The following SYNPO2 variants were observed in gnomAD, a reference collection of about 807,000 sequenced individuals.
SYNPO2 encodes the protein synaptopodin-2.
SYNPO2 carries 56 observed loss-of-function variants against 85.0 expected under a neutral mutation model. That is an observed-to-expected ratio of 0.66 (90% CI 0.53 to 0.82). SYNPO2 has a LOEUF of 0.82. SYNPO2 is among the 40% of genes least tolerant of loss of function. The probability of loss-of-function intolerance (pLI) is 0.00; values close to 1 mark genes in which losing one functional copy is unlikely to be tolerated. For missense variants in SYNPO2, 1,575 were observed against 1,534.2 expected, an observed-to-expected ratio of 1.03 and a Z score of -0.44; for synonymous variants, 602 against 591.1, an observed-to-expected ratio of 1.02 and a Z score of -0.27.
chr4:118,922,210 A>G (rs1733564129), intron 1 of SYNPO2, among the ~76,000 whole-genome samples: 1 of 151,992 alleles, frequency 6.6e-6, no homozygotes. Context: ...CCATGTGTAG[A>G]TTTGTTACTC....
upstream of SYNPO2, among the ~76,000 whole-genome samples, chr4:118,887,439 G>A (rs1346034566): frequency 6.6e-6 from 1 of 152,156 alleles, no homozygotes; most frequent in South Asian, 2.1e-4. Flanking sequence ...TGCTATATTT[G>A]TGGTGGTTTT....
intron 1 of SYNPO2, among the ~76,000 whole-genome samples, chr4:118,876,662 C>CT: frequency 1.4e-5 from 2 of 141,744 alleles, no homozygotes; most frequent in African/African-American, 5.2e-5. Context: ...TTCCTTCCTT[C>CT]CTTTCTCTTT....
At chr4:118,884,613 C>T (rs908338826), upstream of SYNPO2, among the ~76,000 whole-genome samples, 1 of 152,150 alleles carries the variant, frequency 6.6e-6, no homozygotes, top group African/African-American at 2.4e-5. Context: ...GGGAGGTGGC[C>T]ACTACCTATT....
chr4:119,046,991 A>G (rs1193417860), intron 4 of SYNPO2, among the ~76,000 whole-genome samples: 1 of 152,238 alleles, frequency 6.6e-6, no homozygotes, highest in African/African-American at 2.4e-5. Flanking sequence ...ATGATATGCT[A>G]CATACAAGAC....
intron 1 of SYNPO2, among the ~76,000 whole-genome samples, chr4:119,000,474 C>T (rs1446892749): frequency 6.6e-6 from 1 of 152,154 alleles, no homozygotes; most frequent in Non-Finnish European, 1.5e-5. Context: ...AGAAGACACC[C>T]ACAGACACAC....
At chr4:118,906,301 T>A (rs1732936535) in intron 1 of SYNPO2, among the ~76,000 whole-genome samples, 1 of 152,184 alleles carries the variant, frequency 6.6e-6, no homozygotes, top group South Asian at 2.1e-4. Context: ...AGATTTTTAA[T>A]GTAATAGTAT....
chr4:118,915,803 A>G (rs1319621888), intron 1 of SYNPO2, among the ~76,000 whole-genome samples: 1 of 152,180 alleles, frequency 6.6e-6, no homozygotes. Flanking sequence ...CAACAATATA[A>G]AAGGCATCCT....
At chr4:119,029,167 T>C (rs1257095877) in intron 3 of SYNPO2, among the ~76,000 whole-genome samples, 2 of 152,100 alleles carry the variant, frequency 1.3e-5, no homozygotes, top group Admixed American at 6.5e-5. Context: ...GTTTCTTATA[T>C]GTATTTACAA....
chr4:119,026,997 G>A lies in SYNPO2; in HGVS notation c.628G>A (p.Gly210Ser). 6.2e-7 allele frequency: 1 copy of A among 1,614,118 alleles called. No homozygotes were observed. The highest frequency in any genetic ancestry group is 8.5e-7 in the Non-Finnish European group (1 of 1,180,006). Residue 210 changes from glycine (G) to serine (S), a missense_variant, in exon 3 of 5, where the codon GGC becomes AGC. Transcript: ENST00000307142. ...GTCCCTTTCACAGGAGAGACATAAG[G>A]GCGCTAGTGGCCCTTTAGTGGCTCT... ...QLSLSQERHK[G>S]ASGPLVALPG...
intron 1 of SYNPO2, among the ~76,000 whole-genome samples, chr4:118,863,439 GT>G (rs1004753874): frequency 6.6e-6 from 1 of 152,056 alleles, no homozygotes; most frequent in Non-Finnish European, 1.5e-5. Flanking sequence ...CCAATTTATT[GT>G]CATATAGTTG....
At position 118,889,062 on chromosome 4, in the gene SYNPO2, T is replaced by C; in HGVS notation, c.26T>C (p.Ile9Thr). The change falls in exon 1 of 5, where the codon ATT (isoleucine) becomes ACT (threonine). Residue 9 changes from isoleucine (I) to threonine (T), a missense_variant. Around this residue, in one of 3 missense-constraint regions of SYNPO2, gnomAD observed 55 missense variants for 55.5 expected, o/e 0.99. Transcript: ENST00000307142. MGTGDFIC[I>T]SMTGGAPWGF... is the part of the protein sequence containing the mutation. ...ATGGGCACAGGGGATTTTATCTGCATTTCCATGACTGGAGGGGCGCCCTGG... is the reference window on the plus strand; with the variant it reads ...ATGGGCACAGGGGATTTTATCTGCACTTCCATGACTGGAGGGGCGCCCTGG... The C allele has an allele frequency of 6.2e-7, 1 of 1,614,120 alleles. No homozygotes were observed. The highest frequency in any genetic ancestry group is 8.5e-7 in the Non-Finnish European group (1 of 1,180,006).
intron 1 of SYNPO2, among the ~76,000 whole-genome samples, chr4:118,913,507 G>T (rs1733206968): frequency 6.6e-6 from 1 of 151,974 alleles, no homozygotes; most frequent in Admixed American, 6.6e-5. Flanking sequence ...GTATAAAACA[G>T]AATTCAAATA....
upstream of SYNPO2, among the ~76,000 whole-genome samples, chr4:118,885,469 C>CTT (rs200816127): frequency 0.36 from 49,989 of 140,732 alleles, 9,899 homozygotes; most frequent in Admixed American, 0.46. Flanking sequence ...ATCCATAGGT[C>CTT]TTTTTTTTTT....
chr4:118,997,239 C>CAAAAAAAAAAAAA lies in SYNPO2; in HGVS notation c.106-26185_106-26173dup, dbSNP rs1434428754. 3.5e-3 allele frequency among the ~76,000 whole-genome samples: 230 copies of CAAAAAAAAAAAAA among 65,146 alleles called. 9 individuals are homozygous for CAAAAAAAAAAAAA. Among genetic ancestry groups the CAAAAAAAAAAAAA allele is most frequent in the Middle Eastern group, 0.019 (2 of 106 alleles). 42.7% of individuals were successfully genotyped at this position (65,146 alleles called of 152,430 possible). On this transcript the variant is annotated intron_variant, in intron 1 of 4. Coordinates refer to ENST00000307142, the MANE Select transcript of SYNPO2 (RefSeq NM_133477.3). ...TGGGCGACAGAGCGAGACTCCGTCTCAAAAAAAAAAAAAAAAAATTAAAAG... is the reference window on the plus strand; with the variant it reads ...TGGGCGACAGAGCGAGACTCCGTCTCAAAAAAAAAAAAAAAAAAAAAAAAAAAAAAATTAAAAG...
Position 119,059,511 on chromosome 4 carries a change from A to T in SYNPO2, c.*1577A>T, listed in dbSNP as rs1739339039. On this transcript the variant is annotated 3_prime_UTR_variant, in exon 5 of 5. Transcript: ENST00000307142. ...CATACCCACGAACTGTTAAATATAA[A>T]AAAATTCAAAGTATTTGACATCTTA... 6.6e-6 allele frequency: 1 copy of T among 152,192 alleles called. No homozygotes were observed. The highest frequency in any genetic ancestry group is 2.4e-5 in the African/African-American group (1 of 41,444). 9.4% of individuals were successfully genotyped at this position (152,192 alleles called of 1,614,324 possible).
intron 1 of SYNPO2, among the ~76,000 whole-genome samples, chr4:118,959,436 T>G (rs771392245): frequency 2.0e-4 from 31 of 152,348 alleles, no homozygotes; most frequent in Admixed American, 1.3e-4. Context: ...TTTTCTTCTC[T>G]CTCACTTTTT....
At chr4:119,023,776 A>G (rs1255888806) in intron 2 of SYNPO2, among the ~76,000 whole-genome samples, 195 bp downstream of exon 2, 1 of 152,220 alleles carries the variant, frequency 6.6e-6, no homozygotes, top group Non-Finnish European at 1.5e-5. Context: ...TGGTTAATTG[A>G]GAATTAAGTT....
intron 1 of SYNPO2, among the ~76,000 whole-genome samples, chr4:118,987,389 C>T (rs1736256898): frequency 6.6e-6 from 1 of 152,092 alleles, no homozygotes; most frequent in South Asian, 2.1e-4. Flanking sequence ...CTAATATGGG[C>T]CAGGCATGGT....
At position 119,005,543 on chromosome 4, in the gene SYNPO2, TG is replaced by T. The variant is rs970442016; in HGVS notation, c.106-17886del. On this transcript the variant is annotated intron_variant, in intron 1 of 4. Coordinates refer to ENST00000307142, the MANE Select transcript of SYNPO2 (RefSeq NM_133477.3). The stretch of plus-strand genomic sequence containing the variant: ...GTCAAAGATCAGATAGTTGTAGATA[TG>T]TGGCATTATTTCTGAGGGCTCTGTT... Among the ~76,000 whole-genome samples the T allele has an allele frequency of 1.7e-5, 2 of 118,704 alleles. 1 individual carries two copies. Among genetic ancestry groups the T allele is most frequent in the African/African-American group, 5.5e-5 (2 of 36,400 alleles). The allele number at this position is 118,704 out of a possible 152,430, so 77.9% of individuals were successfully genotyped here. A position where few individuals can be genotyped will look rare whatever the true frequency, so the allele number is the denominator to read the frequency against.
Sources: allele counts gnomAD v4.1 joint callset (sites outside exome capture counted in the v4.1 genomes callset), GRCh38; gene constraint gnomAD v4.1.1; regional missense constraint gnomAD v4.1.1; transcripts MANE v1.5; gene names NCBI Gene and HGNC (gene_info 2026-07-23, HGNC 2026-07-21).